The following TFAP2D variants were observed in gnomAD, a reference collection of about 807,000 sequenced individuals.
TFAP2D encodes transcription factor AP-2 delta.
TFAP2D carries 9 observed loss-of-function variants against 43.6 expected under a neutral mutation model. That is an observed-to-expected ratio of 0.21 (90% CI 0.12 to 0.36). TFAP2D has a LOEUF of 0.36. TFAP2D is among the 10% of genes least tolerant of loss of function. TFAP2D has a pLI of 1.00. For synonymous variants in TFAP2D, 256 were observed against 224.9 expected (o/e 1.14, Z -1.24); for missense variants, 513 against 561.4 (o/e 0.91, Z 0.87).
chr6:50,739,107 A>G (rs1301253426), intron 5 of TFAP2D, among the ~76,000 whole-genome samples: 2 of 152,160 alleles, frequency 1.3e-5, no homozygotes, highest in African/African-American at 4.8e-5. Flanking sequence ...GTTCTAGGGT[A>G]CATGTGCACA....
chr6:50,758,683 A>G (rs955520301), intron 7 of TFAP2D, among the ~76,000 whole-genome samples: 7 of 151,996 alleles, frequency 4.6e-5, no homozygotes, highest in African/African-American at 1.7e-4. Flanking sequence ...AAGTGTGCAT[A>G]GTTTTTGTTT....
At chr6:50,738,185 T>C (rs1768988953) in intron 5 of TFAP2D, among the ~76,000 whole-genome samples, 1 of 152,134 alleles carries the variant, frequency 6.6e-6, no homozygotes, top group African/African-American at 2.4e-5. Flanking sequence ...TTATGAGCTT[T>C]TCTATTTACT....
At chr6:50,724,862 G>A (rs1167597394) in intron 3 of TFAP2D, among the ~76,000 whole-genome samples, 1 of 151,932 alleles carries the variant, frequency 6.6e-6, no homozygotes, top group African/African-American at 2.4e-5. Flanking sequence ...AAAGTGGCGG[G>A]GTTGGGTGGC....
At chr6:50,748,506 T>C (rs1769156392) in intron 6 of TFAP2D, among the ~76,000 whole-genome samples, 1 of 151,916 alleles carries the variant, frequency 6.6e-6, no homozygotes, top group South Asian at 2.1e-4. Context: ...TTCAGTTGTC[T>C]TTAAGTATAT....
chr6:50,741,252 C>T (rs1200702628), intron 5 of TFAP2D, among the ~76,000 whole-genome samples: 1 of 152,144 alleles, frequency 6.6e-6, no homozygotes, highest in African/African-American at 2.4e-5. Flanking sequence ...AAGCACCAAC[C>T]TGATCCACCT....
chr6:50,749,561 A>C (rs1337712587), intron 6 of TFAP2D, among the ~76,000 whole-genome samples: 2 of 151,918 alleles, frequency 1.3e-5, no homozygotes, highest in African/African-American at 4.8e-5. Flanking sequence ...TAAATTTAAA[A>C]TTTTAGTTAG....
At position 50,713,963 on chromosome 6, in the gene TFAP2D, A is replaced by G; in HGVS notation, c.-93A>G. On this transcript the variant is annotated 5_prime_UTR_variant, in exon 1 of 8. Coordinates refer to ENST00000008391, the MANE Select transcript of TFAP2D (RefSeq NM_172238.4). ...CTATAGAACATTTTTTTTTTCCTTT[A>G]AAAATTGGAAAATACAAGAAGTTTG... is the stretch of plus-strand genomic sequence containing the variant. The G allele has an allele frequency of 5.1e-6, 8 of 1,567,062 alleles. No homozygotes were observed. Among genetic ancestry groups the G allele is most frequent in the Non-Finnish European group, 7.0e-6 (8 of 1,145,348 alleles).
intron 7 of TFAP2D, among the ~76,000 whole-genome samples, chr6:50,768,536 A>T (rs1239502073): frequency 6.6e-6 from 1 of 151,790 alleles, no homozygotes; most frequent in Non-Finnish European, 1.5e-5. Context: ...TGAGATACAC[A>T]CCTATTTTTC....
chr6:50,759,349 A>T (rs991762450), intron 7 of TFAP2D, among the ~76,000 whole-genome samples: 12 of 151,918 alleles, frequency 7.9e-5, no homozygotes, highest in Non-Finnish European at 1.5e-4. Flanking sequence ...CACCCGTGTG[A>T]CCTCTGCATG....
At position 50,715,714 on chromosome 6, in the gene TFAP2D, C is replaced by T. The variant is rs1768611354; in HGVS notation, c.537+101C>T. On this transcript the variant is annotated intron_variant, in intron 2 of 7. Coordinates refer to ENST00000008391, the MANE Select transcript of TFAP2D (RefSeq NM_172238.4). ...CTGTAAAGCGTCTCTCTTTCTCTCT[C>T]TCTTCTCCTCTCTCTCTCTCTCTCT... is the stretch of plus-strand genomic sequence containing the variant. 5.1e-6 allele frequency: 6 copies of T among 1,176,988 alleles called. No homozygotes were observed. The South Asian group carries it at 7.3e-5, about 14-fold the overall frequency. The allele number at this position is 1,176,988 out of a possible 1,614,324, so 72.9% of individuals were successfully genotyped here.
At chr6:50,733,444 GC>G (rs1768920863) in intron 5 of TFAP2D, among the ~76,000 whole-genome samples, 1 of 151,896 alleles carries the variant, frequency 6.6e-6, no homozygotes, top group Non-Finnish European at 1.5e-5. Context: ...AAATACAGTG[GC>G]TTGGATTTGC....
chr6:50,771,498 T>C (rs1368683674), intron 7 of TFAP2D, among the ~76,000 whole-genome samples: 1 of 152,146 alleles, frequency 6.6e-6, no homozygotes, highest in Non-Finnish European at 1.5e-5. Context: ...CAGCTAGCCA[T>C]GAGGCACACT....
chr6:50,729,095 C>T (rs1283569038), intron 4 of TFAP2D, 74 bp downstream of exon 4: 6 of 1,602,322 alleles, frequency 3.7e-6, no homozygotes, highest in Non-Finnish European at 5.1e-6. Context: ...GTCATGATGT[C>T]TTCCATCTGA....
chr6:50,719,265 G>A (rs1012324811), intron 3 of TFAP2D, 115 bp downstream of exon 3: 1 of 1,104,934 alleles, frequency 9.1e-7, no homozygotes, highest in Non-Finnish European at 1.3e-6. Flanking sequence ...AAACAATTAT[G>A]CTTAGTCAAT....
At chr6:50,725,052 T>C (rs1768788962) in intron 3 of TFAP2D, among the ~76,000 whole-genome samples, 1 of 152,164 alleles carries the variant, frequency 6.6e-6, no homozygotes, top group South Asian at 2.1e-4. Flanking sequence ...TGTAGCCCGG[T>C]ACTCTTTCCA....
At chr6:50,729,353 G>T (rs772124591) in intron 5 of TFAP2D, 41 bp downstream of exon 5, 1 of 1,550,486 alleles carries the variant, frequency 6.4e-7, no homozygotes, top group South Asian at 1.1e-5. Context: ...TGGAAGGTTG[G>T]CGTGTCTTTG....
At chr6:50,731,056 A>T (rs988798009) in intron 5 of TFAP2D, among the ~76,000 whole-genome samples, 1 of 152,012 alleles carries the variant, frequency 6.6e-6, no homozygotes, top group Non-Finnish European at 1.5e-5. Flanking sequence ...GAGCACTGGG[A>T]TATCCTGCAT....
chr6:50,726,144 G>A (rs1007697517), intron 3 of TFAP2D, among the ~76,000 whole-genome samples: 1 of 152,194 alleles, frequency 6.6e-6, no homozygotes, highest in Non-Finnish European at 1.5e-5. Context: ...GAGTTAGCAC[G>A]TGGGTAGATA....
chr6:50,714,912 G>C (rs1469973975), intron 1 of TFAP2D, among the ~76,000 whole-genome samples: 1 of 151,978 alleles, frequency 6.6e-6, no homozygotes, highest in African/African-American at 2.4e-5. Context: ...CTGTGAGGAC[G>C]AGGCCGCCCA....
Sources: allele counts gnomAD v4.1 joint callset (sites outside exome capture counted in the v4.1 genomes callset), GRCh38; gene constraint gnomAD v4.1.1; transcripts MANE v1.5; gene names NCBI Gene and HGNC (gene_info 2026-07-23, HGNC 2026-07-21).